Variants in CCNY observed in about 807,000 individuals in gnomAD.
The protein encoded by CCNY is cyclin-Y.
CCNY carries 19 observed loss-of-function variants against 42.8 expected under a neutral mutation model. The ratio of observed to expected loss-of-function variants is 0.44; its 90% CI spans 0.31 to 0.65. The LOEUF (loss-of-function observed/expected upper bound fraction) is 0.65, where lower values mean the gene tolerates loss of function less well. Among genes scored for constraint, CCNY ranks in the 30% least tolerant of loss-of-function variants. The probability of loss-of-function intolerance (pLI) is 0.07; values close to 1 mark genes in which losing one functional copy is unlikely to be tolerated. For missense variants in CCNY, 370 were observed against 437.3 expected (o/e 0.85, Z 1.37); for synonymous variants, 165 against 162.7 (o/e 1.01, Z -0.11).
chr10:35,287,694 A>G (rs1835370218), intron 3 of CCNY, among the ~76,000 whole-genome samples: 1 of 152,056 alleles, frequency 6.6e-6, no homozygotes, highest in Non-Finnish European at 1.5e-5. Context: ...CTCCTATTTC[A>G]TTGTATTTAA....
intron 1 of CCNY, among the ~76,000 whole-genome samples, chr10:35,425,621 AAT>A (rs1354592092): frequency 4.6e-5 from 7 of 152,240 alleles, no homozygotes; most frequent in Non-Finnish European, 1.0e-4. Flanking sequence ...AGAATGCACC[AAT>A]GTTTGTTTAT....
chr10:35,396,884 T>C (rs111743201), intron 1 of CCNY, among the ~76,000 whole-genome samples: 1 of 152,140 alleles, frequency 6.6e-6, no homozygotes, highest in African/African-American at 2.4e-5. Flanking sequence ...TCCTCTAAGC[T>C]CTGGGTTTTC....
Position 35,336,900 on chromosome 10 carries a change from A to T in CCNY, c.-154A>T. The T allele has an allele frequency of 9.7e-6, 2 of 205,282 alleles. No homozygotes were observed. The highest frequency in any genetic ancestry group is 1.3e-5 in the Non-Finnish European group (2 of 157,144). The allele number at this position is 205,282 out of a possible 1,614,324, so 12.7% of individuals were successfully genotyped here. A position where few individuals can be genotyped will look rare whatever the true frequency, so the allele number is the denominator to read the frequency against. On this transcript the variant is annotated 5_prime_UTR_variant, in exon 1 of 10. The change abolishes the stop of an existing upstream ORF in the 5' untranslated region. Transcript: ENST00000374704. Reference sequence around the variant, plus strand: ...GGCCCCGCCGCCGCCGCCGCTGCTGACCCGGCGGCCGGCCGCCGTTCCGCC... The same window carrying T: ...GGCCCCGCCGCCGCCGCCGCTGCTGTCCCGGCGGCCGGCCGCCGTTCCGCC...
intron 3 of CCNY, among the ~76,000 whole-genome samples, chr10:35,295,457 C>T (rs7909877): frequency 0.28 from 42,298 of 151,748 alleles, 6,224 homozygotes; most frequent in East Asian, 0.35. Context: ...GTCTTGAACT[C>T]CGAACCTCAG....
At chr10:35,302,556 T>C (rs559787061) in intron 3 of CCNY, among the ~76,000 whole-genome samples, 1 of 151,494 alleles carries the variant, frequency 6.6e-6, no homozygotes, top group Non-Finnish European at 1.5e-5. Context: ...GGCGATCCAC[T>C]TGCCTCAGCC....
chr10:35,502,010 A>T (rs971167189), intron 3 of CCNY, among the ~76,000 whole-genome samples: 3 of 152,214 alleles, frequency 2.0e-5, no homozygotes, highest in African/African-American at 7.2e-5. Context: ...ATGCTCCAAG[A>T]AAGGATAAAC....
At chr10:35,481,144 A>G (rs529680059) in intron 1 of CCNY, among the ~76,000 whole-genome samples, 1 of 152,252 alleles carries the variant, frequency 6.6e-6, no homozygotes, top group Non-Finnish European at 1.5e-5. Context: ...CATACGGTAC[A>G]TCGGTTTCCG....
intron 1 of CCNY, among the ~76,000 whole-genome samples, chr10:35,424,729 G>A (rs1375867869): frequency 6.6e-6 from 1 of 152,218 alleles, no homozygotes; most frequent in Non-Finnish European, 1.5e-5. Context: ...AAGTCTAGCT[G>A]AGAACCAAGG....
chr10:35,565,221 G>A (rs1236645655), intron 8 of CCNY, among the ~76,000 whole-genome samples: 1 of 152,182 alleles, frequency 6.6e-6, no homozygotes, highest in African/African-American at 2.4e-5. Context: ...TGGCAGGGTG[G>A]ATCTTAGCAC....
At position 35,489,808 on chromosome 10, in the gene CCNY, CAGTT is replaced by C. The variant is rs1384368522; in HGVS notation, c.229+6333_229+6336del. ...CTATTTGATTTGCAAAAGAATTACT[CAGTT>C]AGAGGAGTCCCTCATTTTTACAGTT... is the stretch of plus-strand genomic sequence containing the variant. On this transcript the variant is annotated intron_variant, in intron 2 of 9. Coordinates refer to ENST00000374704, the MANE Select transcript of CCNY (RefSeq NM_145012.6). Among the ~76,000 whole-genome samples the C allele has an allele frequency of 2.3e-4, 35 of 152,298 alleles. No homozygotes were observed. In the Middle Eastern group the frequency reaches 0.01, roughly 44 times the overall value.
chr10:35,362,851 A>G (rs1836718246), intron 1 of CCNY, among the ~76,000 whole-genome samples: 1 of 146,090 alleles, frequency 6.8e-6, no homozygotes, highest in South Asian at 2.2e-4. Context: ...AGCACTCCTC[A>G]CTTCCCAGAC....
In CCNY at chr10:35,569,131, C is replaced by A; in HGVS notation, c.987C>A (p.Asn329Lys). 1 of 1,612,458 alleles carries A rather than the reference C, an allele frequency of 6.2e-7. No individual in the cohort carries two copies. The highest frequency in any genetic ancestry group is 8.5e-7 in the Non-Finnish European group (1 of 1,179,728). Residue 329 changes from asparagine (N) to lysine (K), a missense_variant, in exon 10 of 10, where the codon AAC becomes AAA. Coordinates refer to ENST00000374704, the MANE Select transcript of CCNY (RefSeq NM_145012.6). ...GGAAGCGCTCAGCCAGTGCAGACAA[C>A]CTGACTCTGCCCCGGTGGTCCCCAG... is the stretch of plus-strand genomic sequence containing the variant. ...SARKRSASAD[N>K]LTLPRWSPAI...
intron 1 of CCNY, among the ~76,000 whole-genome samples, chr10:35,360,207 C>T (rs1286597606): frequency 6.6e-6 from 1 of 151,970 alleles, no homozygotes; most frequent in Non-Finnish European, 1.5e-5. Context: ...GCTGTATCAC[C>T]ATATTATATG....
At chr10:35,479,051 A>G (rs977712397) in intron 1 of CCNY, among the ~76,000 whole-genome samples, 38 of 152,248 alleles carry the variant, frequency 2.5e-4, no homozygotes, top group African/African-American at 8.4e-4. Context: ...CAAAACCACA[A>G]TGAGATACCA....
chr10:35,314,094 G>A (rs866956840), intron 3 of CCNY, among the ~76,000 whole-genome samples: 5 of 150,804 alleles, frequency 3.3e-5, no homozygotes, highest in African/African-American at 1.2e-4. Flanking sequence ...AAGATAAACA[G>A]AAAAAGAAAA....
rs1244361318 is a variant in CCNY at position 35,530,181 on chromosome 10, C to T, written c.517C>T (p.Arg173Trp). 8 of 1,614,226 alleles carry T rather than the reference C, an allele frequency of 5.0e-6. No individual in the cohort carries two copies. The highest frequency in any genetic ancestry group is 6.8e-6 in the Non-Finnish European group (8 of 1,180,038). Residue 173 changes from arginine (R) to tryptophan (W), a missense_variant, in exon 7 of 10, where the codon CGG (arginine) becomes TGG (tryptophan). Around this residue, in one of 2 missense-constraint regions of CCNY, gnomAD observed 234 missense variants for 313.1 expected, o/e 0.75. Coordinates refer to ENST00000374704, the MANE Select transcript of CCNY (RefSeq NM_145012.6). The surrounding 1 kb of genome is among the most constrained non-coding windows in gnomAD (Gnocchi z 4.3). ...KHNPEQKQIY[R>W]FVRTLFSAAQ... ...CAACCCAGAGCAGAAGCAGATTTAC[C>T]GGTTCGTTCGGACACTGTTCAGTGC...
At chr10:35,310,161 A>G (rs1835666929) in intron 3 of CCNY, among the ~76,000 whole-genome samples, 1 of 152,188 alleles carries the variant, frequency 6.6e-6, no homozygotes, top group African/African-American at 2.4e-5. Flanking sequence ...CCTACATATT[A>G]GAGAGATCAT....
In CCNY at chr10:35,571,040, T is replaced by G. The variant is rs1430779264; in HGVS notation, c.*1870T>G. On this transcript the variant is annotated 3_prime_UTR_variant, in exon 10 of 10. Transcript: ENST00000374704. ...TTGAATTTAGAACTTTGAATACAGG[T>G]CAAAAAATGTAGAAAATATCATTTT... The G allele has an allele frequency of 6.6e-6, 1 of 152,204 alleles. No individual in the cohort carries two copies. Among genetic ancestry groups the G allele is most frequent in the Non-Finnish European group, 1.5e-5 (1 of 68,024 alleles). The allele number at this position is 152,204 out of a possible 1,614,324, so 9.4% of individuals were successfully genotyped here.
intron 1 of CCNY, among the ~76,000 whole-genome samples, chr10:35,345,588 G>T (rs932015341): frequency 1.3e-5 from 2 of 152,106 alleles, no homozygotes; most frequent in Admixed American, 6.5e-5. Flanking sequence ...TATGAATGTG[G>T]TACTCATATT....
Sources: gnomAD v4.1 joint callset for allele counts (sites outside exome capture counted in the v4.1 genomes callset) on GRCh38, gnomAD v4.1.1 for gene constraint, gnomAD v4.1.1 regional missense constraint, Gnocchi (gnomAD v3.1) non-coding constraint, MANE v1.5 for transcripts, NCBI Gene and HGNC (gene_info 2026-07-23, HGNC 2026-07-21) for gene names.